RSPH9: variants seen among roughly 807,000 people sequenced by gnomAD.
RSPH9 encodes the protein radial spoke head protein 9 homolog.
RSPH9 carries 27 observed loss-of-function variants against 27.0 expected under a neutral mutation model. The observed-to-expected ratio is 1.00, with a 90% CI of 0.74 to 1.38. The LOEUF is 1.38. Among genes scored for constraint, RSPH9 ranks in the 40% most tolerant of loss-of-function variants. The pLI, the probability that RSPH9 is intolerant of heterozygous loss-of-function variation, is 0.00. For missense variants in RSPH9, 347 were observed against 357.4 expected (o/e 0.97, Z 0.24); for synonymous variants, 145 against 147.7 (o/e 0.98, Z 0.13).
At chr6:43,655,935 G>C (rs993715459) in intron 3 of RSPH9, among the ~76,000 whole-genome samples, 1 of 152,006 alleles carries the variant, frequency 6.6e-6, no homozygotes, top group Non-Finnish European at 1.5e-5. Context: ...CTTGGTCCCA[G>C]GGCTTTACAT....
intron 1 of RSPH9, among the ~76,000 whole-genome samples, chr6:43,647,006 A>G (rs2127882149): frequency 6.6e-6 from 1 of 151,628 alleles, no homozygotes; most frequent in East Asian, 1.9e-4. Flanking sequence ...ATGGTGGTGC[A>G]TACCTGTAGT....
chr6:43,667,994 T>C (rs1484790037), intron 4 of RSPH9, among the ~76,000 whole-genome samples: 1 of 152,086 alleles, frequency 6.6e-6, no homozygotes, highest in African/African-American at 2.4e-5. Flanking sequence ...GGTGAGACCC[T>C]GTGGGCCCAG....
rs756058099 is a variant in RSPH9 at position 43,671,899 on chromosome 6, T to C, written c.*950T>C. 8.5e-5 allele frequency: 137 copies of C among 1,608,232 alleles called. 2 individuals are homozygous for C. In the South Asian group the frequency reaches 1.5e-3, roughly 17 times the overall value. ...TTGACGGAGCCAGGAGCCCAGCGCG[T>C]CAGGTACCTGTGGAGGGAGAACAAA... On this transcript the variant is annotated 3_prime_UTR_variant, in exon 5 of 5. Transcript: ENST00000372163.
intron 4 of RSPH9, among the ~76,000 whole-genome samples, chr6:43,661,653 T>A (rs146779880): frequency 0.056 from 5,846 of 104,250 alleles, 252 homozygotes; most frequent in East Asian, 0.25. Flanking sequence ...AGAGCGAGAC[T>A]CTGTCTCAAA....
At chr6:43,650,756 A>G (rs1011860272) in intron 2 of RSPH9, among the ~76,000 whole-genome samples, 5 of 152,036 alleles carry the variant, frequency 3.3e-5, no homozygotes, top group Non-Finnish European at 5.9e-5. Flanking sequence ...AATACAAAAA[A>G]TTAGCTGGGT....
In RSPH9 at chr6:43,661,647, C is replaced by T. The variant is rs192129952; in HGVS notation, c.670+4924C>T. Reference sequence around the variant, plus strand: ...ATGTACTCCAGCCTGGGTGACAGAGCGAGACTCTGTCTCAAAAAAAAAAAA... The same window carrying T: ...ATGTACTCCAGCCTGGGTGACAGAGTGAGACTCTGTCTCAAAAAAAAAAAA... On this transcript the variant is annotated intron_variant, in intron 4 of 4. Coordinates refer to ENST00000372163, the MANE Select transcript of RSPH9 (RefSeq NM_152732.5). Among the ~76,000 whole-genome samples the T allele has an allele frequency of 1.9e-3, 208 of 111,560 alleles. 3 individuals are homozygous for T. The highest frequency in any genetic ancestry group is 6.5e-3 in the African/African-American group (188 of 29,026). 73.2% of individuals were successfully genotyped at this position (111,560 alleles called of 152,430 possible). A position where few individuals can be genotyped will look rare whatever the true frequency, so the allele number is the denominator to read the frequency against.
chr6:43,655,305 G>T (rs1050398149), intron 2 of RSPH9, among the ~76,000 whole-genome samples: 2 of 152,128 alleles, frequency 1.3e-5, no homozygotes, highest in African/African-American at 4.8e-5. Flanking sequence ...CTCGGACTGG[G>T]GTGAGAGAAA....
intron 4 of RSPH9, among the ~76,000 whole-genome samples, chr6:43,657,834 A>G (rs963804035): frequency 6.6e-6 from 1 of 152,228 alleles, no homozygotes; most frequent in Non-Finnish European, 1.5e-5. Context: ...TGAGAATTAA[A>G]TGGACTACTC....
chr6:43,650,915 A>AAG (rs1561937871), intron 2 of RSPH9, among the ~76,000 whole-genome samples: 1 of 151,342 alleles, frequency 6.6e-6, no homozygotes, highest in African/African-American at 2.4e-5. Context: ...TAAAAAAAAA[A>AAG]AAAAGAAAAG....
chr6:43,647,051 C>T (rs890213012), intron 1 of RSPH9, among the ~76,000 whole-genome samples: 25 of 151,994 alleles, frequency 1.6e-4, no homozygotes, highest in Admixed American at 1.4e-3. Flanking sequence ...GGGAGGATTG[C>T]GCCCGAGAGT....
chr6:43,659,577 T>G (rs1301574048), intron 4 of RSPH9, among the ~76,000 whole-genome samples: 1 of 151,456 alleles, frequency 6.6e-6, no homozygotes, highest in Admixed American at 6.6e-5. Context: ...AGAGTTGGGG[T>G]TTCACTGTGT....
At position 43,671,670 on chromosome 6, in the gene RSPH9, G is replaced by C. The variant is rs1773702428; in HGVS notation, c.*721G>C. ...GGGACCAGGCCATCGTGGTGGGGTG[G>C]GACAGGAGTATAGTTGTGGCCAAGG... On this transcript the variant is annotated 3_prime_UTR_variant, in exon 5 of 5. Transcript: ENST00000372163. The C allele has an allele frequency of 5.4e-6, 8 of 1,474,912 alleles. No homozygotes were observed. Among genetic ancestry groups the C allele is most frequent in the Non-Finnish European group, 7.5e-6 (8 of 1,061,376 alleles). The allele number at this position is 1,474,912 out of a possible 1,614,324, so 91.4% of individuals were successfully genotyped here.
intron 3 of RSPH9, among the ~76,000 whole-genome samples, chr6:43,655,987 G>GCCTTCCTT (rs1771970221): frequency 9.9e-6 from 1 of 101,312 alleles, no homozygotes; most frequent in African/African-American, 3.6e-5. Flanking sequence ...TTCCTCCTTG[G>GCCTTCCTT]ACTTCCTTCC....
chr6:43,660,261 G>C (rs1772475112), intron 4 of RSPH9, among the ~76,000 whole-genome samples: 1 of 151,746 alleles, frequency 6.6e-6, no homozygotes, highest in Non-Finnish European at 1.5e-5. Context: ...GGCTGATCTT[G>C]AACTCCTGAC....
intron 4 of RSPH9, chr6:43,666,387 T>C: frequency 2.0e-6 from 3 of 1,476,400 alleles, no homozygotes; most frequent in East Asian, 2.5e-5. Flanking sequence ...ATTTGGCAGC[T>C]GTTTTCTGGC....
intron 1 of RSPH9, among the ~76,000 whole-genome samples, chr6:43,648,579 G>A (rs1450065396): frequency 1.3e-5 from 2 of 152,224 alleles, no homozygotes. Flanking sequence ...GGCATTGTAA[G>A]ACTTGGCTTA....
At chr6:43,657,990 A>G (rs1772197855) in intron 4 of RSPH9, among the ~76,000 whole-genome samples, 1 of 152,168 alleles carries the variant, frequency 6.6e-6, no homozygotes, top group Non-Finnish European at 1.5e-5. Context: ...TAAGGACTCA[A>G]ATGAAAATGA....
At chr6:43,645,394 G>A in intron 1 of RSPH9, 69 bp downstream of exon 1, 3 of 1,072,388 alleles carry the variant, frequency 2.8e-6, no homozygotes, top group South Asian at 2.6e-5. Context: ...TGGGCGGGTC[G>A]CAGCAATTGA....
At chr6:43,666,458 G>C in intron 4 of RSPH9, 1 of 1,550,536 alleles carries the variant, frequency 6.4e-7, no homozygotes, top group Non-Finnish European at 8.7e-7. Context: ...ACTTCACGTG[G>C]CTTCTGAGCA....
Sources: allele counts gnomAD v4.1 joint callset (sites outside exome capture counted in the v4.1 genomes callset), GRCh38; gene constraint gnomAD v4.1.1; transcripts MANE v1.5; gene names NCBI Gene and HGNC (gene_info 2026-07-23, HGNC 2026-07-21).